The following WDSUB1 variants were observed in gnomAD, a reference collection of about 807,000 sequenced individuals.
WDSUB1 encodes WD repeat, sterile alpha motif and U-box domain containing 1, also known as WD repeat, SAM and U-box domain-containing protein 1.
In WDSUB1, 49 loss-of-function variants were observed where a neutral mutation model predicts 53.9. The ratio of observed to expected loss-of-function variants is 0.91; its 90% CI spans 0.72 to 1.15. The LOEUF is 1.15. Among genes scored for constraint, WDSUB1 ranks in the 50% most tolerant of loss-of-function variants. The pLI is 0.00. For synonymous variants in WDSUB1, 194 were observed against 200.6 expected (o/e 0.97, Z 0.28); for missense variants, 514 against 562.0 (o/e 0.91, Z 0.86).
At position 159,279,777 on chromosome 2, in the gene WDSUB1, A is replaced by G; in HGVS notation, c.567T>C (p.Ser189=). ...HDLGITCCDF[S]SQPVSDGEQG... is the part of the protein sequence containing the mutation. ...ATAACCAACCAGAAACTGGCTGTGA[A>G]GAAAAATCGCAGCAGGTAATTCCAA... Residue 189 remains serine, a synonymous_variant, in exon 3 of 11, where the codon TCT becomes TCC. Transcript: ENST00000359774. 2 of 1,604,006 alleles carry G rather than the reference A, an allele frequency of 1.2e-6. No homozygotes were observed. Among genetic ancestry groups the G allele is most frequent in the Non-Finnish European group, 1.7e-6 (2 of 1,174,566 alleles).
At chr2:159,256,071 C>A in intron 9 of WDSUB1, 125 bp downstream of exon 9, 1 of 855,654 alleles carries the variant, frequency 1.2e-6, no homozygotes, top group Non-Finnish European at 1.7e-6. Context: ...TGGCCATAAT[C>A]AAGAAGATGG....
rs140705867 is a variant in WDSUB1, at chr2:159,236,133, G to T, written c.1331C>A (p.Thr444Lys). 6.2e-7 allele frequency: 1 copy of T among 1,613,634 alleles called. No individual in the cohort carries two copies. Among genetic ancestry groups the T allele is most frequent in the Non-Finnish European group, 8.5e-7 (1 of 1,179,844 alleles). Residue 444 changes from threonine to lysine, a missense_variant, in exon 11 of 11, where the codon ACA (threonine) becomes AAA (lysine). Coordinates refer to ENST00000359774, the MANE Select transcript of WDSUB1 (RefSeq NM_001128212.3). ...AAGAACAAGATTTGTCATGGGACTT[G>T]TACGTTTCTTTTTGCTGATCCAATT... ...MENWISKKKRTSPMTNLVLPS... is the reference protein window; with the variant it reads ...MENWISKKKRKSPMTNLVLPS...
chr2:159,275,640 TA>T lies in WDSUB1; in HGVS notation c.584-3del. The T allele has an allele frequency of 1.3e-6, 2 of 1,587,218 alleles. No homozygotes were observed. The highest frequency in any genetic ancestry group is 1.7e-6 in the Non-Finnish European group (2 of 1,172,338). ...AAAACTGAAGACCTTGTTCTCCATC[TA>T]AAATTTATTAAAAATAAATACAGAG... On this transcript the variant is annotated splice_polypyrimidine_tract_variant and splice_region_variant and intron_variant, in intron 3 of 10. Coordinates refer to ENST00000359774, the MANE Select transcript of WDSUB1 (RefSeq NM_001128212.3).
Position 159,273,265 on chromosome 2 carries a change from A to G in WDSUB1, c.677-1470T>C, listed in dbSNP as rs371473383. Among the ~76,000 whole-genome samples the G allele has an allele frequency of 1.0e-3, 159 of 152,322 alleles. 1 individual carries two copies. The highest frequency in any genetic ancestry group is 7.0e-3 in the South Asian group (34 of 4,828). On this transcript the variant is annotated intron_variant, in intron 4 of 10. Transcript: ENST00000359774. Reference sequence around the variant, plus strand: ...GCATGATTAATCAAACAAAGCAAACATATTAAGTTGCACACCAAATTAAGA... The same window carrying G: ...GCATGATTAATCAAACAAAGCAAACGTATTAAGTTGCACACCAAATTAAGA...
Position 159,266,398 on chromosome 2 carries a change from C to T in WDSUB1, c.770+5304G>A, listed in dbSNP as rs559946542. Among the ~76,000 whole-genome samples, 26 of 152,280 alleles carry T rather than the reference C, an allele frequency of 1.7e-4. No individual in the cohort carries two copies. In the South Asian group the frequency reaches 5.2e-3, roughly 30 times the overall value. On this transcript the variant is annotated intron_variant, in intron 5 of 10. Coordinates refer to ENST00000359774, the MANE Select transcript of WDSUB1 (RefSeq NM_001128212.3). Reference sequence around the variant, plus strand: ...ACAGATGGGGTTTCACCATGTTAGCCAGGATGGTCTTGATCTCCTGACCTC... The same window carrying T: ...ACAGATGGGGTTTCACCATGTTAGCTAGGATGGTCTTGATCTCCTGACCTC...
chr2:159,239,380 G>T (rs1178022783), intron 10 of WDSUB1, among the ~76,000 whole-genome samples: 1 of 149,646 alleles, frequency 6.7e-6, no homozygotes, highest in Non-Finnish European at 1.5e-5. Context: ...AAGTGCTTTG[G>T]TTCACTGAAT....
At chr2:159,265,293 C>CCACA (rs75210001) in intron 5 of WDSUB1, among the ~76,000 whole-genome samples, 3,052 of 149,450 alleles carry the variant, frequency 0.02, 42 homozygotes, top group Middle Eastern at 0.048. Flanking sequence ...AGCACACACA[C>CCACA]CACACACACA....
At chr2:159,236,245 T>C in intron 10 of WDSUB1, 55 bp from the exon 11 acceptor site, 1 of 1,534,012 alleles carries the variant, frequency 6.5e-7, no homozygotes, top group South Asian at 1.2e-5. Flanking sequence ...AATGAGGATG[T>C]CTAAAATGAA....
At chr2:159,270,803 T>C (rs1575480845) in intron 5 of WDSUB1, among the ~76,000 whole-genome samples, 1 of 151,920 alleles carries the variant, frequency 6.6e-6, no homozygotes, top group Non-Finnish European at 1.5e-5. Flanking sequence ...GCTGGGAAAA[T>C]ATATTTGCAA....
At chr2:159,277,703 T>C (rs1185117658) in intron 3 of WDSUB1, among the ~76,000 whole-genome samples, 1 of 151,748 alleles carries the variant, frequency 6.6e-6, no homozygotes, top group Admixed American at 6.6e-5. Context: ...TAATAACAAA[T>C]ACGAAATTAA....
Position 159,259,390 on chromosome 2 carries a change from T to C in WDSUB1, c.804+420A>G, listed in dbSNP as rs549656626. On this transcript the variant is annotated intron_variant, in intron 6 of 10. Coordinates refer to ENST00000359774, the MANE Select transcript of WDSUB1 (RefSeq NM_001128212.3). The stretch of plus-strand genomic sequence containing the variant: ...CCCATTTTCCAAGTCCATGATAACC[T>C]ATCCTTTCTTATGCCTCTCCCTAAA... Among the ~76,000 whole-genome samples, 254 of 152,302 alleles carry C rather than the reference T, an allele frequency of 1.7e-3. 1 individual carries two copies. The highest frequency in any genetic ancestry group is 2.6e-3 in the Non-Finnish European group (175 of 68,036).
intron 10 of WDSUB1, among the ~76,000 whole-genome samples, chr2:159,245,814 C>G (rs1334290502): frequency 6.6e-6 from 1 of 152,136 alleles, no homozygotes; most frequent in Non-Finnish European, 1.5e-5. Flanking sequence ...GATAAAAGAT[C>G]TCTGAAACCT....
intron 5 of WDSUB1, among the ~76,000 whole-genome samples, chr2:159,267,368 A>G (rs927278850): frequency 4.9e-4 from 74 of 149,760 alleles, no homozygotes; most frequent in Non-Finnish European, 1.5e-4. Context: ...TGGCATGATC[A>G]TAGGTTGCTG....
chr2:159,249,920 A>AAG (rs1226497058), intron 9 of WDSUB1, among the ~76,000 whole-genome samples: 5 of 150,266 alleles, frequency 3.3e-5, no homozygotes, highest in Non-Finnish European at 5.9e-5. Flanking sequence ...ACAAAAAAAA[A>AAG]AAAGAAAGAA....
chr2:159,279,741 A>G lies in WDSUB1; in HGVS notation c.583+20T>C. 6.3e-7 allele frequency: 1 copy of G among 1,585,956 alleles called. No individual in the cohort carries two copies. The highest frequency in any genetic ancestry group is 8.6e-7 in the Non-Finnish European group (1 of 1,166,260). On this transcript the variant is annotated intron_variant, in intron 3 of 10. Coordinates refer to ENST00000359774, the MANE Select transcript of WDSUB1 (RefSeq NM_001128212.3). The stretch of plus-strand genomic sequence containing the variant: ...TTACAAATAGGAATTTCTAGTGCTT[A>G]AAAGAATAAAATAACCAACCAGAAA...
intron 10 of WDSUB1, among the ~76,000 whole-genome samples, chr2:159,242,273 G>A (rs2060674387): frequency 6.9e-6 from 1 of 145,694 alleles, no homozygotes. Context: ...TAGCCAGGAT[G>A]GTCTCGCTCT....
chr2:159,265,979 T>C (rs975018723), intron 5 of WDSUB1, among the ~76,000 whole-genome samples: 1 of 152,196 alleles, frequency 6.6e-6, no homozygotes, highest in Non-Finnish European at 1.5e-5. Context: ...TGCCAGACAT[T>C]AAAAAGATCT....
At chr2:159,258,129 T>C (rs1273435142) in intron 6 of WDSUB1, 144 bp from the exon 7 acceptor site, 10 of 711,610 alleles carry the variant, frequency 1.4e-5, no homozygotes, top group Non-Finnish European at 2.4e-5. Context: ...CTTTACTCAA[T>C]GAATAGCAGA....
At chr2:159,279,725 GGA>G in intron 3 of WDSUB1, 34 bp downstream of exon 3, 1 of 1,549,866 alleles carries the variant, frequency 6.5e-7, no homozygotes, top group Non-Finnish European at 8.7e-7. Flanking sequence ...ATTACAAATA[GGA>G]ATTTCTAGTG....
Sources: gnomAD v4.1 joint callset for allele counts (sites outside exome capture counted in the v4.1 genomes callset) on GRCh38, gnomAD v4.1.1 for gene constraint, MANE v1.5 for transcripts, NCBI Gene and HGNC (gene_info 2026-07-23, HGNC 2026-07-21) for gene names.